CACNA1C: variants seen among roughly 807,000 people sequenced by gnomAD.
The protein encoded by CACNA1C is calcium voltage-gated channel subunit alpha1 C.
In CACNA1C, 30 loss-of-function variants were observed where a neutral mutation model predicts 229.0. The ratio of observed to expected loss-of-function variants is 0.13; its 90% CI spans 0.10 to 0.18. The LOEUF (loss-of-function observed/expected upper bound fraction) is 0.18. Among genes scored for constraint, CACNA1C ranks in the 10% least tolerant of loss-of-function variants. The pLI, the probability that CACNA1C is intolerant of heterozygous loss-of-function variation, is 1.00. For synonymous variants in CACNA1C, 1,114 were observed against 1,132.5 expected (o/e 0.98, Z 0.33); for missense variants, 1,658 against 2,845.0 (o/e 0.58, Z 9.49).
intron 11 of CACNA1C, among the ~76,000 whole-genome samples, chr12:2,559,313 T>C (rs1235769211): frequency 1.3e-5 from 2 of 152,218 alleles, no homozygotes; most frequent in East Asian, 3.8e-4. Context: ...ATCTGGAGGA[T>C]GGAAGGGAAA....
At chr12:2,659,984 T>G (rs2095623342) in intron 34 of CACNA1C, 1 of 201,758 alleles carries the variant, frequency 5.0e-6, no homozygotes, top group Non-Finnish European at 1.1e-5. Flanking sequence ...AGAAACTCAT[T>G]GAAGTGGACA....
chr12:2,381,058 T>C (rs895299113), intron 3 of CACNA1C, among the ~76,000 whole-genome samples: 2 of 152,234 alleles, frequency 1.3e-5, no homozygotes, highest in Non-Finnish European at 2.9e-5. Context: ...CATGGCCATC[T>C]GCCTTCCAGG....
intron 3 of CACNA1C, among the ~76,000 whole-genome samples, chr12:2,445,857 G>A (rs779148565): frequency 3.9e-5 from 6 of 152,138 alleles, no homozygotes; most frequent in Non-Finnish European, 5.9e-5. Flanking sequence ...GAGCCTTCAG[G>A]ATATTGCTGC....
At chr12:2,440,850 G>T (rs2099217254) in intron 3 of CACNA1C, among the ~76,000 whole-genome samples, 1 of 152,172 alleles carries the variant, frequency 6.6e-6, no homozygotes, top group Non-Finnish European at 1.5e-5. Context: ...ACTCATCGAT[G>T]CGCTGAGAGG....
Position 2,479,183 on chromosome 12 carries a change from G to GT in CACNA1C, c.758-6913dup, listed in dbSNP as rs1344620020. ...GACAGTGCCCTTCACTTGAACACCT[G>GT]TTTTTTTTAAGTTTTTAAAAATTGT... On this transcript the variant is annotated intron_variant, in intron 5 of 46. Coordinates refer to ENST00000399655, the MANE Select transcript of CACNA1C (RefSeq NM_000719.7). The surrounding 1 kb of genome is among the most constrained non-coding windows in gnomAD (Gnocchi z 4.3). Among the ~76,000 whole-genome samples the GT allele has an allele frequency of 2.0e-5, 3 of 151,620 alleles. No homozygotes were observed. The highest frequency in any genetic ancestry group is 2.4e-5 in the African/African-American group (1 of 41,252).
At chr12:2,519,246 G>A (rs934909148) in intron 9 of CACNA1C, among the ~76,000 whole-genome samples, 3 of 152,184 alleles carry the variant, frequency 2.0e-5, no homozygotes, top group Non-Finnish European at 4.4e-5. Context: ...CCCATGACCT[G>A]ACACAGGCCA....
chr12:2,541,777 G>C lies in CACNA1C; in HGVS notation c.1391-8166G>C, dbSNP rs181240524. 3.3e-5 allele frequency among the ~76,000 whole-genome samples: 5 copies of C among 152,328 alleles called. No homozygotes were observed. The East Asian group carries it at 9.6e-4, about 29-fold the overall frequency. ...CCACTCCTGCTGACAGGCACATCAG[G>C]ACATTACAAAGCTCCATCCCTGGGA... On this transcript the variant is annotated intron_variant, in intron 9 of 46. Coordinates refer to ENST00000399655, the MANE Select transcript of CACNA1C (RefSeq NM_000719.7).
At chr12:2,018,667 T>C (rs945338311) in intron 1 of CACNA1C, among the ~76,000 whole-genome samples, 2 of 152,200 alleles carry the variant, frequency 1.3e-5, no homozygotes, top group Admixed American at 1.3e-4. Context: ...AGGCCCTCTG[T>C]CTTAATAAGC....
At chr12:2,280,877 G>A (rs1017841088) in intron 3 of CACNA1C, among the ~76,000 whole-genome samples, 1 of 152,144 alleles carries the variant, frequency 6.6e-6, no homozygotes, top group Non-Finnish European at 1.5e-5. Context: ...GTATTTTTAA[G>A]GATTCAGTTT....
At chr12:2,071,245 G>T (rs2154523993) in intron 1 of CACNA1C, among the ~76,000 whole-genome samples, 1 of 146,656 alleles carries the variant, frequency 6.8e-6, no homozygotes, top group Admixed American at 6.9e-5. Flanking sequence ...TCCTTTGACA[G>T]GGTCTCACTC....
At chr12:2,052,915 CG>C (rs2052692677), upstream of CACNA1C, 1 of 893,872 alleles carries the variant, frequency 1.1e-6, no homozygotes, top group African/African-American at 1.9e-5. Flanking sequence ...GCGGGCGGCG[CG>C]GGCAGGGGCG....
chr12:2,451,001 G>A (rs1047709497), intron 4 of CACNA1C, among the ~76,000 whole-genome samples: 3 of 152,166 alleles, frequency 2.0e-5, no homozygotes, highest in Non-Finnish European at 4.4e-5. Flanking sequence ...TTGGAACCAC[G>A]TTAGGGTTTT....
At chr12:2,122,253 A>G (rs1457076060) in intron 3 of CACNA1C, among the ~76,000 whole-genome samples, 1 of 152,192 alleles carries the variant, frequency 6.6e-6, no homozygotes, top group Non-Finnish European at 1.5e-5. Context: ...GGCTGCTTGC[A>G]CAACTGTGTA....
At chr12:2,232,248 T>G (rs1566561321) in intron 3 of CACNA1C, among the ~76,000 whole-genome samples, 3 of 144,996 alleles carry the variant, frequency 2.1e-5, no homozygotes, top group African/African-American at 7.8e-5. Context: ...TTTTTTTTTT[T>G]TTTTGTTTGT....
At chr12:2,661,311 A>ACG (rs1411740671) in intron 34 of CACNA1C, among the ~76,000 whole-genome samples, 2 of 145,022 alleles carry the variant, frequency 1.4e-5, no homozygotes, top group African/African-American at 2.5e-5. Context: ...ACACACACAC[A>ACG]CACAAGATTT....
At chr12:2,159,516 A>C (rs1314845408) in intron 3 of CACNA1C, among the ~76,000 whole-genome samples, 1 of 152,082 alleles carries the variant, frequency 6.6e-6, no homozygotes, top group Non-Finnish European at 1.5e-5. Context: ...TAAATAAATT[A>C]AATGTATGCA....
intron 3 of CACNA1C, among the ~76,000 whole-genome samples, chr12:2,269,485 TGTACAGTC>T (rs1022164689): frequency 4.6e-5 from 7 of 152,196 alleles, no homozygotes; most frequent in African/African-American, 1.7e-4. Flanking sequence ...ATAACATAGA[TGTACAGTC>T]GTACAGTCTT....
In CACNA1C at chr12:2,605,649, C is replaced by A. The variant is rs909932751; in HGVS notation, c.3049-30C>A. On this transcript the variant is annotated intron_variant, in intron 23 of 46. Transcript: ENST00000399655. This position sits in a 1 kb window ranked among gnomAD's most constrained non-coding sequence, Gnocchi z 6.2. ...AGGCTCCTGGCATCTCCTGAAGCCA[C>A]GTCCCTCTCCCCGTCCCTTCCCACT... 1.3e-6 allele frequency: 2 copies of A among 1,541,202 alleles called. No individual in the cohort carries two copies. The highest frequency in any genetic ancestry group is 1.7e-5 in the Admixed American group (1 of 59,806).
intron 7 of CACNA1C, among the ~76,000 whole-genome samples, chr12:2,495,211 T>C (rs763956583): frequency 9.2e-5 from 14 of 152,256 alleles, no homozygotes; most frequent in Non-Finnish European, 1.3e-4. Context: ...AAACTTATTT[T>C]GTTTAGCAAA....
Sources: allele counts gnomAD v4.1 joint callset (sites outside exome capture counted in the v4.1 genomes callset), GRCh38; gene constraint gnomAD v4.1.1; non-coding constraint Gnocchi (gnomAD v3.1); transcripts MANE v1.5; gene names NCBI Gene and HGNC (gene_info 2026-07-23, HGNC 2026-07-21).